The following FHOD3 variants were observed in gnomAD, a reference collection of about 807,000 sequenced individuals.
The protein encoded by FHOD3 is FH1/FH2 domain-containing protein 3.
A neutral mutation model predicts 173.0 loss-of-function variants in FHOD3; 90 were observed. The observed-to-expected ratio is 0.52, with a 90% CI of 0.44 to 0.62. FHOD3 has a LOEUF of 0.62. Among genes scored for constraint, FHOD3 ranks in the 20% least tolerant of loss-of-function variants. The pLI, the probability that FHOD3 is intolerant of heterozygous loss-of-function variation, is 0.00. For synonymous variants in FHOD3, 828 were observed against 823.0 expected (o/e 1.01, Z -0.10); for missense variants, 1,945 against 2,034.7 (o/e 0.96, Z 0.85).
chr18:36,384,114 A>T (rs1040842891), intron 3 of FHOD3, among the ~76,000 whole-genome samples: 1 of 152,144 alleles, frequency 6.6e-6, no homozygotes, highest in East Asian at 1.9e-4. Flanking sequence ...AAAAATTGTG[A>T]GGATTAGGCC....
At chr18:36,698,809 T>C (rs913103917) in intron 17 of FHOD3, among the ~76,000 whole-genome samples, 24 of 152,114 alleles carry the variant, frequency 1.6e-4, no homozygotes, top group Non-Finnish European at 2.9e-5. Context: ...AGCCAGAATA[T>C]CAACATTTGT....
At chr18:36,657,024 G>A (rs891329851) in intron 13 of FHOD3, among the ~76,000 whole-genome samples, 1 of 152,126 alleles carries the variant, frequency 6.6e-6, no homozygotes, top group African/African-American at 2.4e-5. Context: ...CTTCCCAAAA[G>A]TTGACTTACT....
At chr18:36,418,839 G>A (rs915291586) in intron 3 of FHOD3, among the ~76,000 whole-genome samples, 4 of 152,162 alleles carry the variant, frequency 2.6e-5, no homozygotes, top group African/African-American at 7.2e-5. Context: ...TCTTGAGCCC[G>A]GGAGGCAGAG....
intron 17 of FHOD3, among the ~76,000 whole-genome samples, chr18:36,701,533 G>A (rs953964049): frequency 7.9e-5 from 12 of 152,078 alleles, no homozygotes; most frequent in East Asian, 1.9e-4. Context: ...AATTTAAATA[G>A]CGCTTTTAAT....
At chr18:36,417,831 A>G (rs949405575) in intron 3 of FHOD3, among the ~76,000 whole-genome samples, 2 of 152,220 alleles carry the variant, frequency 1.3e-5, no homozygotes, top group African/African-American at 4.8e-5. Flanking sequence ...GAACTGCCTT[A>G]GAGAAGATTA....
chr18:36,449,353 C>G (rs143919016), intron 3 of FHOD3, among the ~76,000 whole-genome samples: 1 of 152,256 alleles, frequency 6.6e-6, no homozygotes, highest in East Asian at 1.9e-4. Context: ...TTGAATAATT[C>G]TGAGCATCAT....
At chr18:36,462,540 C>G (rs1208785981) in intron 3 of FHOD3, among the ~76,000 whole-genome samples, 1 of 152,054 alleles carries the variant, frequency 6.6e-6, no homozygotes, top group Non-Finnish European at 1.5e-5. Flanking sequence ...ACTGTGTTAG[C>G]AAGGATGGTC....
At chr18:36,575,020 G>T (rs549770949) in intron 5 of FHOD3, among the ~76,000 whole-genome samples, 1 of 151,300 alleles carries the variant, frequency 6.6e-6, no homozygotes, top group South Asian at 2.1e-4. Context: ...ACCCAGACTG[G>T]AGTGCAGTGG....
chr18:36,642,812 C>T (rs2035423994), intron 10 of FHOD3, among the ~76,000 whole-genome samples: 1 of 152,106 alleles, frequency 6.6e-6, no homozygotes, highest in Admixed American at 6.6e-5. Flanking sequence ...CCCAATCTCC[C>T]ATCCCTAGGC....
chr18:36,352,123 T>A (rs1296673915), intron 1 of FHOD3, among the ~76,000 whole-genome samples: 1 of 152,096 alleles, frequency 6.6e-6, no homozygotes, highest in Admixed American at 6.6e-5. Context: ...TTACTAAAAA[T>A]TAAATTGGCT....
At chr18:36,573,472 G>A (rs1391969179) in intron 5 of FHOD3, among the ~76,000 whole-genome samples, 1 of 151,418 alleles carries the variant, frequency 6.6e-6, no homozygotes, top group African/African-American at 2.4e-5. Flanking sequence ...TTGGTGTGGT[G>A]GCATGTGTCT....
rs752857554 is a variant in FHOD3, at chr18:36,625,515, C to T, written c.962C>T (p.Ala321Val). The T allele has an allele frequency of 5.6e-5, 79 of 1,416,998 alleles. No individual in the cohort carries two copies. Among genetic ancestry groups the T allele is most frequent in the South Asian group, 8.1e-5 (5 of 61,814 alleles). 87.8% of individuals were successfully genotyped at this position (1,416,998 alleles called of 1,614,324 possible). ...GGGCGTGCTCTGCTTTTCCAGGTGGCGCTCAGGCACGAGGATGGCGATGAG... is the reference window on the plus strand; with the variant it reads ...GGGCGTGCTCTGCTTTTCCAGGTGGTGCTCAGGCACGAGGATGGCGATGAG... ...LVEQLNIYEVALRHEDGDETT... is the reference protein window; with the variant it reads ...LVEQLNIYEVVLRHEDGDETT... Residue 321 changes from alanine to valine, a missense_variant, in exon 10 of 29, where the codon GCG (alanine) becomes GTG (valine). By Grantham distance (64) the Ala-to-Val change is moderately conservative (BLOSUM62 0). Coordinates refer to ENST00000590592, the MANE Select transcript of FHOD3 (RefSeq NM_001281740.3).
chr18:36,440,166 G>A (rs1482471451), intron 3 of FHOD3, among the ~76,000 whole-genome samples: 1 of 152,180 alleles, frequency 6.6e-6, no homozygotes, highest in African/African-American at 2.4e-5. Flanking sequence ...AAGCTCCCAA[G>A]TGATGCTGAT....
rs73423296 is a variant in FHOD3, at chr18:36,530,993, C to G, written c.511+18450C>G. On this transcript the variant is annotated intron_variant, in intron 5 of 28. Coordinates refer to ENST00000590592, the MANE Select transcript of FHOD3 (RefSeq NM_001281740.3). ...TTTCCACTGGTCCCCAAGGGTCTTG[C>G]CTCTGTGACCATGGTTGAATTAGTT... Among the ~76,000 whole-genome samples, 621 of 152,266 alleles carry G rather than the reference C, an allele frequency of 4.1e-3. 4 individuals carry two copies. The highest frequency in any genetic ancestry group is 0.014 in the African/African-American group (596 of 41,530).
At chr18:36,665,353 A>G (rs2037107638) in intron 14 of FHOD3, among the ~76,000 whole-genome samples, 1 of 152,214 alleles carries the variant, frequency 6.6e-6, no homozygotes, top group African/African-American at 2.4e-5. Flanking sequence ...CTTACACTTC[A>G]GTGGCAGAAG....
chr18:36,558,956 C>G (rs746198804), intron 5 of FHOD3, among the ~76,000 whole-genome samples: 2 of 152,136 alleles, frequency 1.3e-5, no homozygotes, highest in Non-Finnish European at 2.9e-5. Context: ...GTGCTCTGCT[C>G]AGTGCTCAGC....
At chr18:36,513,253 T>A (rs1309994345) in intron 5 of FHOD3, among the ~76,000 whole-genome samples, 1 of 151,564 alleles carries the variant, frequency 6.6e-6, no homozygotes, top group Non-Finnish European at 1.5e-5. Context: ...CCGTATGAAA[T>A]TGCTGCTATC....
Position 36,578,291 on chromosome 18 carries a change from A to G in FHOD3, c.606+1746A>G, listed in dbSNP as rs758449296. ...GAGGAGGAGCAAAGGCACATCTTAC[A>G]TGGTGGCAGGCAAGAGAGTGTGTGC... On this transcript the variant is annotated intron_variant, in intron 6 of 28. Coordinates refer to ENST00000590592, the MANE Select transcript of FHOD3 (RefSeq NM_001281740.3). 1.1e-3 allele frequency among the ~76,000 whole-genome samples: 174 copies of G among 152,158 alleles called. 1 individual carries two copies. Among genetic ancestry groups the G allele is most frequent in the Non-Finnish European group, 2.9e-4 (20 of 68,020 alleles).
At chr18:36,534,432 A>T (rs1599551056) in intron 5 of FHOD3, among the ~76,000 whole-genome samples, 1 of 152,288 alleles carries the variant, frequency 6.6e-6, no homozygotes, top group African/African-American at 2.4e-5. Flanking sequence ...GGTCCCCAAC[A>T]AGGCTGACTG....
Sources: allele counts gnomAD v4.1 joint callset (sites outside exome capture counted in the v4.1 genomes callset), GRCh38; gene constraint gnomAD v4.1.1; transcripts MANE v1.5; gene names NCBI Gene and HGNC (gene_info 2026-07-23, HGNC 2026-07-21).